Variants in YBEY observed in about 807,000 individuals in gnomAD.
The protein encoded by YBEY is endoribonuclease YbeY.
A neutral mutation model predicts 13.5 loss-of-function variants in YBEY; 15 were observed. The observed-to-expected ratio is 1.11, with a 90% CI of 0.75 to 1.72. YBEY has a LOEUF of 1.72. Ranked by LOEUF, YBEY falls within the 40% of genes most tolerant of loss-of-function variation. The pLI, the probability that YBEY is intolerant of heterozygous loss-of-function variation, is 0.00. For synonymous variants in YBEY, 101 were observed against 83.1 expected (o/e 1.21, Z -1.17); for missense variants, 244 against 208.4 (o/e 1.17, Z -1.05).
chr21:46,302,597 G>A (rs1397290297), downstream of YBEY: 2 of 1,589,024 alleles, frequency 1.3e-6, no homozygotes, highest in East Asian at 2.3e-5. Context: ...GAAGCAGGGG[G>A]ACCCTGAATA....
the YBEY span, among the ~76,000 whole-genome samples, chr21:46,312,640 G>A: frequency 2.0e-5 from 3 of 152,202 alleles, no homozygotes; most frequent in African/African-American, 7.2e-5. Context: ...AAAGTGCTGG[G>A]ATTACAGGCA....
chr21:46,300,739 A>G, downstream of YBEY: 1 of 1,289,100 alleles, frequency 7.8e-7, no homozygotes, highest in Non-Finnish European at 1.0e-6. Flanking sequence ...TCAAAGATGG[A>G]AGCACTGGGA....
chr21:46,287,004 G>A lies in YBEY; in HGVS notation c.91G>A (p.Gly31Arg), dbSNP rs1335668437. The A allele has an allele frequency of 1.9e-6, 3 of 1,613,954 alleles. No homozygotes were observed. In the African/African-American group the frequency reaches 4.0e-5, roughly 22 times the overall value. Residue 31 changes from glycine (G) to arginine (R), a missense_variant, in exon 2 of 5, where the codon GGA (glycine) becomes AGA (arginine). By Grantham distance (125) the Gly-to-Arg change is moderately radical. Transcript: ENST00000397701. ...SKIEIVRRIL[G>R]VQKFDLGIIC... Reference sequence around the variant, plus strand: ...GATCGAGATTGTAAGGAGGATTTTAGGAGTGCAGAAATTTGACCTGGGGAT... The same window carrying A: ...GATCGAGATTGTAAGGAGGATTTTAAGAGTGCAGAAATTTGACCTGGGGAT...
At chr21:46,296,637 C>T (rs762220861) in intron 4 of YBEY, among the ~76,000 whole-genome samples, 13 of 152,152 alleles carry the variant, frequency 8.5e-5, no homozygotes, top group Admixed American at 2.6e-4. Context: ...TTAACACGCA[C>T]GCAAGCCCGT....
the YBEY span, among the ~76,000 whole-genome samples, chr21:46,309,618 G>A: frequency 2.0e-5 from 3 of 152,130 alleles, no homozygotes; most frequent in East Asian, 1.9e-4. Context: ...TACACCCAAC[G>A]ACAGTGATGA....
At chr21:46,301,097 TA>T, downstream of YBEY, 1 of 1,010,434 alleles carries the variant, frequency 9.9e-7, no homozygotes, top group Non-Finnish European at 1.2e-6. Context: ...TTTTTTTTTT[TA>T]TTAACTCAAA....
chr21:46,298,008 TG>T (rs2082007107), downstream of YBEY, among the ~76,000 whole-genome samples: 1 of 152,158 alleles, frequency 6.6e-6, no homozygotes, highest in Non-Finnish European at 1.5e-5. Context: ...TCCTGAGTAT[TG>T]GAATATTCGA....
chr21:46,303,727 ATATATATATATATATATATTTTTTT>A, the YBEY span, among the ~76,000 whole-genome samples: 4 of 26,612 alleles, frequency 1.5e-4, no homozygotes, highest in African/African-American at 6.4e-4. Flanking sequence ...ATATATATAT[ATATATATATATATATATATTTTTTT>A]TTTTTTTTTT....
At chr21:46,312,038 CCCAA>C in the YBEY span, among the ~76,000 whole-genome samples, 430 of 128,132 alleles carry the variant, frequency 3.4e-3, 1 homozygote, top group Non-Finnish European at 5.5e-3. Flanking sequence ...CATCCACCTA[CCCAA>C]CCAACCAACC....
chr21:46,299,345 G>T (rs1447602289), downstream of YBEY, among the ~76,000 whole-genome samples: 1 of 152,140 alleles, frequency 6.6e-6, no homozygotes, highest in Non-Finnish European at 1.5e-5. Context: ...CCGTGGCCCA[G>T]GCAGCAGCAG....
At chr21:46,300,638 C>T, downstream of YBEY, 2 of 1,232,246 alleles carry the variant, frequency 1.6e-6, no homozygotes, top group South Asian at 2.8e-5. Flanking sequence ...TTCACACCTG[C>T]CCGTCCATGT....
chr21:46,303,794 G>A, the YBEY span, among the ~76,000 whole-genome samples: 4 of 128,456 alleles, frequency 3.1e-5, no homozygotes, highest in East Asian at 9.5e-4. Context: ...CTCTGTCGCC[G>A]AGGCTGGAGT....
the YBEY span, among the ~76,000 whole-genome samples, chr21:46,303,951 C>T: frequency 6.9e-6 from 1 of 144,516 alleles, no homozygotes; most frequent in East Asian, 2.0e-4. Context: ...TGGGGTTTCA[C>T]CGTGTTAGCC....
At chr21:46,293,724 CAG>C (rs1310403304) in intron 3 of YBEY, among the ~76,000 whole-genome samples, 1 of 2,092 alleles carries the variant, frequency 4.8e-4, no homozygotes, top group Non-Finnish European at 1.4e-3. Flanking sequence ...GCCCGGGACT[CAG>C]TGGAGTCAGC....
At chr21:46,311,375 G>A in the YBEY span, 2 of 726,582 alleles carry the variant, frequency 2.8e-6, no homozygotes, top group Non-Finnish European at 4.3e-6. Flanking sequence ...GGCCCTAAGT[G>A]ACTGTCCTGC....
the YBEY span, among the ~76,000 whole-genome samples, chr21:46,304,020 G>GA: frequency 2.2e-5 from 1 of 44,566 alleles, no homozygotes; most frequent in East Asian, 5.7e-4. Context: ...CAAAGTGCTG[G>GA]TTTTTTTTTT....
downstream of YBEY, chr21:46,300,719 C>G (rs1453990113): frequency 7.8e-7 from 1 of 1,286,856 alleles, no homozygotes; most frequent in Non-Finnish European, 1.0e-6. Context: ...TGTCTCCTAC[C>G]TGCAAACTTT....
At chr21:46,296,026 T>A in intron 3 of YBEY, 136 bp from the exon 4 acceptor site, 1 of 785,778 alleles carries the variant, frequency 1.3e-6, no homozygotes, top group South Asian at 1.6e-5. Flanking sequence ...TGCCTGTAAT[T>A]CCTGCCCAGG....
the YBEY span, chr21:46,311,575 C>T: frequency 1.9e-6 from 3 of 1,573,640 alleles, no homozygotes; most frequent in Non-Finnish European, 2.6e-6. Context: ...GACCTAGGAA[C>T]AGCCAGGTGA....
Sources: allele counts gnomAD v4.1 joint callset (sites outside exome capture counted in the v4.1 genomes callset), GRCh38; gene constraint gnomAD v4.1.1; transcripts MANE v1.5; gene names NCBI Gene and HGNC (gene_info 2026-07-23, HGNC 2026-07-21).